VPS13B: variants seen among roughly 807,000 people sequenced by gnomAD.
VPS13B encodes vacuolar protein sorting 13 homolog B, also known as intermembrane lipid transfer protein VPS13B.
VPS13B carries 285 observed loss-of-function variants against 426.4 expected under a neutral mutation model. The observed-to-expected ratio is 0.67, with a 90% confidence interval of 0.61 to 0.74. The LOEUF (loss-of-function observed/expected upper bound fraction) is 0.74. Ranked by LOEUF, VPS13B falls within the 30% of genes least tolerant of loss-of-function variation. The probability of loss-of-function intolerance (pLI) is 0.00; values close to 1 mark genes in which losing one functional copy is unlikely to be tolerated. For synonymous variants in VPS13B, 1,676 were observed against 1,676.4 expected, an observed-to-expected ratio of 1.00 and a Z score of 0.01; for missense variants, 4,537 against 4,782.6, an observed-to-expected ratio of 0.95 and a Z score of 1.51.
At chr8:99,794,914 T>C (rs749973324) in intron 43 of VPS13B, among the ~76,000 whole-genome samples, 1 of 152,174 alleles carries the variant, frequency 6.6e-6, no homozygotes. Context: ...GAGCCATCAA[T>C]TTAGGTCTTT....
chr8:99,695,498 T>G (rs1291814584), intron 35 of VPS13B, among the ~76,000 whole-genome samples: 26 of 127,160 alleles, frequency 2.0e-4, no homozygotes, highest in African/African-American at 6.7e-4. Flanking sequence ...AATTGAACAA[T>G]GAGATCACAT....
At chr8:99,333,068 T>C (rs866181229) in intron 19 of VPS13B, among the ~76,000 whole-genome samples, 65 of 151,722 alleles carry the variant, frequency 4.3e-4, no homozygotes, top group African/African-American at 1.5e-3. Flanking sequence ...TAGTACTTAG[T>C]CTATTTAAAT....
intron 19 of VPS13B, among the ~76,000 whole-genome samples, chr8:99,312,234 T>G (rs1821027646): frequency 6.6e-6 from 1 of 152,200 alleles, no homozygotes. Context: ...GTTATTTTGC[T>G]CGTTAGTTGA....
intron 23 of VPS13B, among the ~76,000 whole-genome samples, chr8:99,454,586 G>C (rs149862248): frequency 2.0e-5 from 3 of 152,252 alleles, no homozygotes; most frequent in Admixed American, 6.5e-5. Flanking sequence ...AAATAAAGCC[G>C]CTATATACCT....
At chr8:99,769,646 A>G (rs1811386289) in intron 40 of VPS13B, among the ~76,000 whole-genome samples, 1 of 152,200 alleles carries the variant, frequency 6.6e-6, no homozygotes, top group Non-Finnish European at 1.5e-5. Flanking sequence ...TAATGGCATC[A>G]CCGTAAATAT....
At chr8:99,478,447 G>GTTTTGTTTT (rs1819822769) in intron 24 of VPS13B, among the ~76,000 whole-genome samples, 9 of 85,754 alleles carry the variant, frequency 1.0e-4, no homozygotes, top group East Asian at 3.6e-4. Flanking sequence ...TTTTTGTTTT[G>GTTTTGTTTT]TTTTTTTTTT....
At chr8:99,488,084 G>A (rs1820402866) in intron 25 of VPS13B, among the ~76,000 whole-genome samples, 1 of 152,124 alleles carries the variant, frequency 6.6e-6, no homozygotes, top group African/African-American at 2.4e-5. Flanking sequence ...GGTTTAAAAT[G>A]CAGAGGGAGG....
chr8:99,567,745 G>A (rs1188083857), intron 31 of VPS13B, among the ~76,000 whole-genome samples: 1 of 151,956 alleles, frequency 6.6e-6, no homozygotes, highest in Non-Finnish European at 1.5e-5. Context: ...CATACCTTAT[G>A]ATTACTTTGT....
intron 33 of VPS13B, among the ~76,000 whole-genome samples, chr8:99,614,982 C>T (rs12544691): frequency 0.18 from 27,184 of 151,500 alleles, 3,014 homozygotes; most frequent in East Asian, 0.45. Context: ...CCAGGCGTGG[C>T]GGCACATGCC....
chr8:99,653,465 ATTT>A (rs34923754), intron 34 of VPS13B, among the ~76,000 whole-genome samples: 3 of 136,856 alleles, frequency 2.2e-5, no homozygotes, highest in Admixed American at 1.4e-4. Flanking sequence ...ATGTGACTTC[ATTT>A]TTTTTTTTTT....
At chr8:99,769,227 G>A (rs1436678979) in intron 40 of VPS13B, among the ~76,000 whole-genome samples, 1 of 152,034 alleles carries the variant, frequency 6.6e-6, no homozygotes, top group African/African-American at 2.4e-5. Context: ...AATTGTTTGA[G>A]ACTAATCATT....
At chr8:99,044,853 TACACACAC>T (rs60056711) in intron 3 of VPS13B, among the ~76,000 whole-genome samples, 56,511 of 139,760 alleles carry the variant, frequency 0.4, 11,563 homozygotes, top group Middle Eastern at 0.57. Context: ...TTCCATTTTA[TACACACAC>T]ACACACACAC....
chr8:99,177,202 G>A (rs534876937), intron 16 of VPS13B, among the ~76,000 whole-genome samples: 68 of 152,306 alleles, frequency 4.5e-4, no homozygotes, highest in African/African-American at 1.5e-3. Flanking sequence ...AAGGGTTCCA[G>A]TTATTCAAGA....
intron 8 of VPS13B, among the ~76,000 whole-genome samples, chr8:99,127,548 A>C (rs1279415544): frequency 6.6e-6 from 1 of 152,136 alleles, no homozygotes; most frequent in Non-Finnish European, 1.5e-5. Flanking sequence ...ATCAGTCAGC[A>C]TGTTCTGTCA....
At chr8:99,430,288 A>G (rs1377736025) in intron 21 of VPS13B, among the ~76,000 whole-genome samples, 2 of 152,166 alleles carry the variant, frequency 1.3e-5, no homozygotes, top group African/African-American at 4.8e-5. Context: ...TATGGCAACT[A>G]GTCATATATC....
chr8:99,300,394 T>A (rs2133069672), intron 19 of VPS13B, among the ~76,000 whole-genome samples: 1 of 152,344 alleles, frequency 6.6e-6, no homozygotes, highest in East Asian at 1.9e-4. Context: ...TATATATTTC[T>A]CAATAAAGCA....
At chr8:99,234,106 C>T in intron 17 of VPS13B, 1 of 785,762 alleles carries the variant, frequency 1.3e-6, no homozygotes, top group East Asian at 2.4e-5. Flanking sequence ...TGACCTTGCT[C>T]CCGGAAGAGT....
chr8:99,189,562 T>C (rs1258332565), intron 16 of VPS13B, among the ~76,000 whole-genome samples: 3 of 152,148 alleles, frequency 2.0e-5, no homozygotes, highest in Non-Finnish European at 4.4e-5. Context: ...TATTTCTGTA[T>C]ACTATTTCTT....
chr8:99,020,522 T>C (rs1841833124), intron 2 of VPS13B, among the ~76,000 whole-genome samples: 1 of 152,230 alleles, frequency 6.6e-6, no homozygotes, highest in African/African-American at 2.4e-5. Context: ...TCATTCATTG[T>C]CTGGATTTTT....
Sources: gnomAD v4.1 joint callset for allele counts (sites outside exome capture counted in the v4.1 genomes callset) on GRCh38, gnomAD v4.1.1 for gene constraint, MANE v1.5 for transcripts, NCBI Gene and HGNC (gene_info 2026-07-23, HGNC 2026-07-21) for gene names.